BRWD1: variants seen among roughly 807,000 people sequenced by gnomAD.
BRWD1 encodes the protein bromodomain and WD repeat domain containing 1.
BRWD1 carries 82 observed loss-of-function variants against 251.2 expected under a neutral mutation model. The observed-to-expected ratio is 0.33, with a 90% confidence interval of 0.27 to 0.39. The LOEUF is 0.39. Ranked by LOEUF, BRWD1 falls within the 10% of genes least tolerant of loss-of-function variation. The pLI is 1.00. For synonymous variants in BRWD1, 918 were observed against 902.8 expected (o/e 1.02, Z -0.30); for missense variants, 2,233 against 2,711.6 (o/e 0.82, Z 3.92).
At chr21:39,234,228 G>A (rs1018532655) in intron 23 of BRWD1, among the ~76,000 whole-genome samples, 3 of 152,080 alleles carry the variant, frequency 2.0e-5, no homozygotes, top group Non-Finnish European at 4.4e-5. Context: ...AGCATTCCTG[G>A]CCCTGAAGAA....
At chr21:39,221,191 A>G (rs1440982556) in intron 29 of BRWD1, among the ~76,000 whole-genome samples, 2 of 151,826 alleles carry the variant, frequency 1.3e-5, no homozygotes, top group Non-Finnish European at 2.9e-5. Context: ...AAAAGAGCAC[A>G]ATATGTGTTA....
chr21:39,188,183 A>G lies in BRWD1; in HGVS notation c.*8076T>C, dbSNP rs986739295. 2 of 985,282 alleles carry G rather than the reference A, an allele frequency of 2.0e-6. No individual in the cohort carries two copies. The highest frequency in any genetic ancestry group is 3.5e-5 in the African/African-American group (2 of 57,232). 61.0% of individuals were successfully genotyped at this position (985,282 alleles called of 1,614,324 possible). Reference sequence around the variant, plus strand: ...TTAGTACTCTTCTAGAACAGAAGTGATATTCCTTTTACGTATCTGAAGTTC... The same window carrying G: ...TTAGTACTCTTCTAGAACAGAAGTGGTATTCCTTTTACGTATCTGAAGTTC... On this transcript the variant is annotated 3_prime_UTR_variant, in exon 41 of 41. Transcript: ENST00000342449.
intron 29 of BRWD1, among the ~76,000 whole-genome samples, chr21:39,222,325 A>T (rs1189746742): frequency 6.6e-6 from 1 of 152,246 alleles, no homozygotes; most frequent in Admixed American, 6.5e-5. Flanking sequence ...ATATCCATAC[A>T]ATGGAATATG....
chr21:39,240,946 G>A (rs2033969146), intron 21 of BRWD1, among the ~76,000 whole-genome samples: 1 of 151,638 alleles, frequency 6.6e-6, no homozygotes, highest in Admixed American at 6.6e-5. Context: ...TGTCACCCAG[G>A]CTGGAGGGCA....
At chr21:39,236,382 C>T (rs2033812312) in intron 23 of BRWD1, among the ~76,000 whole-genome samples, 1 of 152,076 alleles carries the variant, frequency 6.6e-6, no homozygotes, top group African/African-American at 2.4e-5. Flanking sequence ...CTTCAGAATC[C>T]CCAAGACACA....
chr21:39,298,164 T>C (rs775566490), intron 5 of BRWD1: 5 of 1,094,254 alleles, frequency 4.6e-6, no homozygotes, highest in Non-Finnish European at 5.5e-6. Flanking sequence ...GAACTCACAT[T>C]GATAAAACCT....
chr21:39,264,240 T>C (rs962322628), intron 17 of BRWD1, among the ~76,000 whole-genome samples: 1 of 152,098 alleles, frequency 6.6e-6, no homozygotes, highest in Non-Finnish European at 1.5e-5. Context: ...GTCATAAGTG[T>C]CTATAGTTAT....
At chr21:39,278,695 G>A (rs973521) in intron 10 of BRWD1, 48 bp downstream of exon 10, 1,288,785 of 1,400,586 alleles carry the variant, frequency 0.92, 596,462 homozygotes, top group African/African-American at 0.96. Flanking sequence ...TCATTTAATA[G>A]ATGTTTAAAA....
intron 40 of BRWD1, 115 bp downstream of exon 40, chr21:39,198,648 C>T (rs1319116927): frequency 3.6e-6 from 3 of 833,396 alleles, no homozygotes; most frequent in Non-Finnish European, 5.5e-6. Flanking sequence ...GGGAGAGAAA[C>T]AGCAAAGAGA....
chr21:39,200,508 G>T, intron 38 of BRWD1, 122 bp from the exon 39 acceptor site: 1 of 791,184 alleles, frequency 1.3e-6, no homozygotes, highest in Non-Finnish European at 1.8e-6. Flanking sequence ...TTCCTAAAAT[G>T]CTTAGAATAT....
At position 39,313,259 on chromosome 21, in the gene BRWD1, C is replaced by T. The variant is rs752997093; in HGVS notation, c.90G>A (p.Pro30=). The change falls in exon 2 of 41, where the codon CCG becomes CCA. Residue 30 remains proline, a synonymous_variant. Coordinates refer to ENST00000342449, the MANE Select transcript of BRWD1 (RefSeq NM_033656.4). ...CACTCACCTGGGCCGCTCTCCGACA[C>T]GGGCCCGCCGATAGGTACCGGGCGA... ...FLIARYLSAG[P]CRRAAQVLVQ... is the part of the protein sequence containing the mutation. The T allele has an allele frequency of 2.7e-5, 42 of 1,547,306 alleles. No individual in the cohort carries two copies. The East Asian group carries it at 1.0e-3, about 37-fold the overall frequency.
At chr21:39,262,191 G>A (rs549621195) in intron 17 of BRWD1, among the ~76,000 whole-genome samples, 2 of 152,194 alleles carry the variant, frequency 1.3e-5, no homozygotes, top group African/African-American at 4.8e-5. Context: ...AAACTGAAGA[G>A]AGAAATGACA....
intron 36 of BRWD1, among the ~76,000 whole-genome samples, chr21:39,208,185 T>C (rs1204925305): frequency 6.6e-6 from 1 of 152,204 alleles, no homozygotes; most frequent in Non-Finnish European, 1.5e-5. Context: ...ACCACTGAAC[T>C]ATAAGCTTTC....
intron 4 of BRWD1, among the ~76,000 whole-genome samples, chr21:39,299,819 A>T (rs1404281906): frequency 1.3e-5 from 2 of 151,644 alleles, no homozygotes; most frequent in Non-Finnish European, 2.9e-5. Context: ...TACTAAAAAA[A>T]AAAAAACACA....
chr21:39,203,279 C>T (rs566072259), intron 37 of BRWD1, among the ~76,000 whole-genome samples: 1 of 152,104 alleles, frequency 6.6e-6, no homozygotes, highest in Non-Finnish European at 1.5e-5. Context: ...TAGCATGACC[C>T]CATGCCTACA....
At position 39,313,495 on chromosome 21, in the gene BRWD1, C is replaced by G. The variant is rs537665633; in HGVS notation, c.-4G>C. The G allele has an allele frequency of 6.9e-4, 779 of 1,122,522 alleles. 8 individuals carry two copies. In the East Asian group the frequency reaches 0.043, roughly 63 times the overall value. 69.5% of individuals were successfully genotyped at this position (1,122,522 alleles called of 1,614,324 possible). On this transcript the variant is annotated 5_prime_UTR_variant, in exon 1 of 41. Transcript: ENST00000342449. ...GGGCGGACGACGGCTCCGCCATGGC[C>G]GGGCGCGGGGCGGGAGGCGGGAGCG... is the stretch of plus-strand genomic sequence containing the variant.
intron 15 of BRWD1, 115 bp downstream of exon 15, chr21:39,269,784 G>T: frequency 1.1e-6 from 1 of 903,420 alleles, no homozygotes; most frequent in Non-Finnish European, 1.5e-6. Context: ...TGAATATGCT[G>T]ATTTGTAAAA....
At chr21:39,278,868 G>T in intron 9 of BRWD1, 55 bp from the exon 10 acceptor site, 1 of 1,294,724 alleles carries the variant, frequency 7.7e-7, no homozygotes, top group Non-Finnish European at 1.1e-6. Flanking sequence ...CATTAACACA[G>T]CTTAAAATAT....
intron 22 of BRWD1, among the ~76,000 whole-genome samples, chr21:39,237,092 A>G (rs2033836716): frequency 6.6e-6 from 1 of 152,186 alleles, no homozygotes; most frequent in Non-Finnish European, 1.5e-5. Context: ...TTACCCCTTC[A>G]AGGAAACAAA....
Sources: allele counts gnomAD v4.1 joint callset (sites outside exome capture counted in the v4.1 genomes callset), GRCh38; gene constraint gnomAD v4.1.1; transcripts MANE v1.5; gene names NCBI Gene and HGNC (gene_info 2026-07-23, HGNC 2026-07-21).